Variants in ITPR2 observed in about 807,000 individuals in gnomAD.
The protein encoded by ITPR2 is inositol 1,4,5-trisphosphate-gated calcium channel ITPR2.
In ITPR2, 207 loss-of-function variants were observed where a neutral mutation model predicts 317.1. The ratio of observed to expected loss-of-function variants is 0.65; its 90% CI spans 0.58 to 0.73. ITPR2 has a LOEUF of 0.73. Among genes scored for constraint, ITPR2 ranks in the 30% least tolerant of loss-of-function variants. The pLI is 0.00. For synonymous variants in ITPR2, 1,156 were observed against 1,149.1 expected (o/e 1.01, Z -0.12); for missense variants, 2,613 against 3,284.0 (o/e 0.80, Z 4.99).
At chr12:26,415,142 A>C (rs1940680260) in intron 51 of ITPR2, among the ~76,000 whole-genome samples, 161 bp downstream of exon 51, 1 of 152,100 alleles carries the variant, frequency 6.6e-6, no homozygotes, top group East Asian at 1.9e-4. Context: ...ACAGCCTAAG[A>C]GTACTTCACA....
intron 10 of ITPR2, among the ~76,000 whole-genome samples, chr12:26,693,590 G>A (rs911278010): frequency 2.6e-5 from 4 of 152,116 alleles, no homozygotes; most frequent in African/African-American, 4.8e-5. Context: ...TACAATCTAA[G>A]TGCCAGGTAA....
chr12:26,500,550 T>C (rs971405515), intron 37 of ITPR2, among the ~76,000 whole-genome samples: 10 of 152,314 alleles, frequency 6.6e-5, no homozygotes, highest in African/African-American at 2.4e-4. Context: ...AATGTCTTCA[T>C]GTGAACACAT....
In ITPR2 at chr12:26,518,520, A is replaced by G. The variant is rs376986690; in HGVS notation, c.5074-23260T>C. Among the ~76,000 whole-genome samples, 6 of 145,956 alleles carry G rather than the reference A, an allele frequency of 4.1e-5. No homozygotes were observed. In the East Asian group the frequency reaches 1.1e-3, roughly 28 times the overall value. Reference sequence around the variant, plus strand: ...ACATGTACCCCCGAACCTAAAATAAATGTTGTCGGGGAAGGGGGGGCGGGA... The same window carrying G: ...ACATGTACCCCCGAACCTAAAATAAGTGTTGTCGGGGAAGGGGGGGCGGGA... On this transcript the variant is annotated intron_variant, in intron 37 of 56. Transcript: ENST00000381340.
intron 21 of ITPR2, among the ~76,000 whole-genome samples, chr12:26,636,987 A>G (rs1328013506): frequency 6.6e-6 from 1 of 152,246 alleles, no homozygotes; most frequent in Non-Finnish European, 1.5e-5. Context: ...TAATGCAATT[A>G]CAGAAGAAAA....
chr12:26,775,961 C>CATACATATATATATATA (rs1555189746), intron 2 of ITPR2, among the ~76,000 whole-genome samples: 1 of 65,656 alleles, frequency 1.5e-5, no homozygotes, highest in Non-Finnish European at 3.9e-5. Context: ...TATGTATATC[C>CATACATATATATATATA]TATTAGTTCT....
chr12:26,811,972 G>A (rs915395664), intron 1 of ITPR2, among the ~76,000 whole-genome samples: 1 of 151,460 alleles, frequency 6.6e-6, no homozygotes, highest in Non-Finnish European at 1.5e-5. Flanking sequence ...GACCAGCCTG[G>A]CCAACATGGC....
At chr12:26,670,918 C>T (rs951246459) in intron 13 of ITPR2, among the ~76,000 whole-genome samples, 18 of 151,952 alleles carry the variant, frequency 1.2e-4, no homozygotes, top group African/African-American at 4.1e-4. Context: ...GCCTCAGGAG[C>T]CAATGCGATC....
intron 55 of ITPR2, among the ~76,000 whole-genome samples, chr12:26,352,912 C>A (rs1207906934): frequency 2.6e-5 from 4 of 152,222 alleles, no homozygotes; most frequent in African/African-American, 9.6e-5. Context: ...AGTTTGAAAT[C>A]AACCCTGGTG....
chr12:26,391,483 C>A (rs922960505), intron 54 of ITPR2, among the ~76,000 whole-genome samples: 2 of 150,534 alleles, frequency 1.3e-5, no homozygotes, highest in Admixed American at 6.6e-5. Flanking sequence ...GCAGAAACAA[C>A]GGCAAGCTTT....
intron 2 of ITPR2, among the ~76,000 whole-genome samples, chr12:26,736,714 AAT>A (rs1565727951): frequency 2.6e-5 from 4 of 152,326 alleles, no homozygotes; most frequent in Admixed American, 2.6e-4. Flanking sequence ...TAAATAAGTG[AAT>A]ACTGTGCTGA....
At chr12:26,531,065 T>C (rs1457307655) in intron 37 of ITPR2, among the ~76,000 whole-genome samples, 7 of 152,232 alleles carry the variant, frequency 4.6e-5, no homozygotes, top group Admixed American at 2.0e-4. Flanking sequence ...AGTACATTGT[T>C]TTTATCTTAA....
chr12:26,403,209 G>C (rs1272964948), intron 52 of ITPR2, among the ~76,000 whole-genome samples: 1 of 152,106 alleles, frequency 6.6e-6, no homozygotes, highest in Non-Finnish European at 1.5e-5. Flanking sequence ...GGGGTGTTTT[G>C]GGAAACTCAG....
At position 26,338,722 on chromosome 12, in the gene ITPR2, C is replaced by T. The variant is rs1938005710; in HGVS notation, c.*675G>A. The T allele has an allele frequency of 6.6e-6, 1 of 152,200 alleles. No homozygotes were observed. The highest frequency in any genetic ancestry group is 1.5e-5 in the Non-Finnish European group (1 of 68,034). 9.4% of individuals were successfully genotyped at this position (152,200 alleles called of 1,614,324 possible). ...TATGAAAATCTCCTTTTGTGCTCCA[C>T]ATTGACAGAGCCTGTCTGAATCCCA... On this transcript the variant is annotated 3_prime_UTR_variant, in exon 57 of 57. Transcript: ENST00000381340.
In ITPR2 at chr12:26,438,023, G is replaced by A. The variant is rs563781514; in HGVS notation, c.6643+1104C>T. Among the ~76,000 whole-genome samples, 111 of 152,172 alleles carry A rather than the reference G, an allele frequency of 7.3e-4. 1 individual carries two copies. Among genetic ancestry groups the A allele is most frequent in the African/African-American group, 2.6e-3 (106 of 41,516 alleles). ...TCACTGCGTTAGCCAGGATGGTCTC[G>A]ATCTCCTGACCTCATGATCTGCCTG... On this transcript the variant is annotated intron_variant, in intron 47 of 56. Transcript: ENST00000381340.
chr12:26,570,033 A>G (rs1945118162), intron 34 of ITPR2, among the ~76,000 whole-genome samples: 1 of 152,202 alleles, frequency 6.6e-6, no homozygotes, highest in African/African-American at 2.4e-5. Flanking sequence ...AGCCAAAGAG[A>G]AGAATGAGAT....
chr12:26,414,324 T>C lies in ITPR2; in HGVS notation c.7306+979A>G, dbSNP rs1291377047. ...ATAGACTTAAGTGCCATAATCTAAG[T>C]ACTACCATATATCGTCAATTTAGTA... is the stretch of plus-strand genomic sequence containing the variant. On this transcript the variant is annotated intron_variant, in intron 51 of 56. Transcript: ENST00000381340. Among the ~76,000 whole-genome samples, 5 of 152,190 alleles carry C rather than the reference T, an allele frequency of 3.3e-5. No homozygotes were observed. In the East Asian group the frequency reaches 9.6e-4, roughly 29 times the overall value.
At chr12:26,644,192 A>G (rs958111954) in intron 21 of ITPR2, among the ~76,000 whole-genome samples, 7 of 152,156 alleles carry the variant, frequency 4.6e-5, no homozygotes, top group African/African-American at 2.4e-5. Flanking sequence ...ACCTCACATC[A>G]TGAGCTTCAC....
intron 9 of ITPR2, among the ~76,000 whole-genome samples, chr12:26,702,434 T>G (rs1424635129): frequency 1.3e-5 from 2 of 150,692 alleles, no homozygotes; most frequent in South Asian, 2.1e-4. Flanking sequence ...TTTTTTTCTT[T>G]TTTTTTTTTC....
rs536086298 is a variant in ITPR2, at chr12:26,518,283, C to T, written c.5074-23023G>A. Among the ~76,000 whole-genome samples, 3 of 152,282 alleles carry T rather than the reference C, an allele frequency of 2.0e-5. No individual in the cohort carries two copies. In the East Asian group the frequency reaches 5.8e-4, roughly 29 times the overall value. ...TAACACAGGAACAGAAAACCAAGTA[C>T]CCCATGTTCTCACTTATAAGGAGGA... On this transcript the variant is annotated intron_variant, in intron 37 of 56. Transcript: ENST00000381340.
Sources: gnomAD v4.1 joint callset for allele counts (sites outside exome capture counted in the v4.1 genomes callset) on GRCh38, gnomAD v4.1.1 for gene constraint, MANE v1.5 for transcripts, NCBI Gene and HGNC (gene_info 2026-07-23, HGNC 2026-07-21) for gene names.